FAT2: variants seen among roughly 807,000 people sequenced by gnomAD.
The protein encoded by FAT2 is protocadherin Fat 2.
A neutral mutation model predicts 295.3 loss-of-function variants in FAT2; 150 were observed. The ratio of observed to expected loss-of-function variants is 0.51; its 90% CI spans 0.44 to 0.58. FAT2 has a LOEUF of 0.58. FAT2 is among the 20% of genes least tolerant of loss of function. The pLI is 0.00. For synonymous variants in FAT2, 2,026 were observed against 2,150.3 expected (o/e 0.94, Z 1.60); for missense variants, 4,868 against 5,442.7 (o/e 0.89, Z 3.32).
intron 10 of FAT2, 71 bp from the exon 11 acceptor site, chr5:151,540,834 T>G: frequency 1.4e-6 from 2 of 1,390,562 alleles, no homozygotes; most frequent in Non-Finnish European, 2.0e-6. Flanking sequence ...CACAGGTGGC[T>G]GCCCATTGGA....
At chr5:151,530,836 T>C (rs891036652) in intron 14 of FAT2, among the ~76,000 whole-genome samples, 3 of 152,176 alleles carry the variant, frequency 2.0e-5, no homozygotes, top group African/African-American at 7.2e-5. Flanking sequence ...CTGCAGATGA[T>C]TACTGAAGCT....
intron 1 of FAT2, among the ~76,000 whole-genome samples, chr5:151,583,147 A>G (rs1456094521): frequency 1.3e-5 from 2 of 152,148 alleles, no homozygotes; most frequent in African/African-American, 2.4e-5. Context: ...ACCTGAAAAT[A>G]AGAGAGTTCC....
At position 151,528,111 on chromosome 5, in the gene FAT2, C is replaced by G. The variant is rs1018478012; in HGVS notation, c.10049G>C (p.Gly3350Ala). 1 of 1,613,860 alleles carries G rather than the reference C, an allele frequency of 6.2e-7. No homozygotes were observed. The highest frequency in any genetic ancestry group is 1.1e-5 in the South Asian group (1 of 91,052). Residue 3350 changes from glycine to alanine, a missense_variant, in exon 16 of 24, where the codon GGA becomes GCA. Physicochemically the swap from Gly to Ala is moderately conservative, Grantham distance 60. Around this residue, in one of 5 missense-constraint regions of FAT2, gnomAD observed 1,046 missense variants for 1,210.1 expected, o/e 0.86. Transcript: ENST00000261800. Reference sequence around the variant, plus strand: ...ATAGGTAATGTCACTATTTAGGGGTCCATCTTCATCAGTCGCTGATACCTG... The same window carrying G: ...ATAGGTAATGTCACTATTTAGGGGTGCATCTTCATCAGTCGCTGATACCTG... ...ILTVSATDED[G>A]PLNSDITYSL...
Position 151,565,734 on chromosome 5 carries a change from C to T in FAT2, c.3198G>A (p.Glu1066=), listed in dbSNP as rs2127644433. 6.2e-7 allele frequency: 1 copy of T among 1,601,768 alleles called. No homozygotes were observed. Among genetic ancestry groups the T allele is most frequent in the Non-Finnish European group, 8.5e-7 (1 of 1,172,904 alleles). Residue 1066 remains glutamate, a synonymous_variant, in exon 2 of 24, where the codon GAG becomes GAA. Coordinates refer to ENST00000261800, the MANE Select transcript of FAT2 (RefSeq NM_001447.3). ...TGCCAGCACGCAGGAAGTACTGGAG[C>T]TCCCCATCCAAGCCACTGTCATCGT... ...AQDDDSGLDG[E]LQYFLRAGTG... is the part of the protein sequence containing the mutation.
intron 1 of FAT2, among the ~76,000 whole-genome samples, chr5:151,577,740 C>T (rs1350481184): frequency 6.6e-6 from 1 of 152,130 alleles, no homozygotes; most frequent in African/African-American, 2.4e-5. Context: ...TGTGGGTTTT[C>T]AAGTTTGCAG....
rs762036540 is a variant in FAT2 at position 151,521,796 on chromosome 5, C to T, written c.10797G>A (p.Ser3599=). The T allele has an allele frequency of 1.9e-5, 30 of 1,614,046 alleles. No homozygotes were observed. In the African/African-American group the frequency reaches 1.9e-4, roughly 10 times the overall value. Residue 3599 remains serine, a synonymous_variant, in exon 19 of 24, where the codon TCG becomes TCA. Coordinates refer to ENST00000261800, the MANE Select transcript of FAT2 (RefSeq NM_001447.3). Reference sequence around the variant, plus strand: ...TCCCATCGCTGACCGTGACGTTGAACGAGTAGTGGCCACGAGGCAGGCCCT... The same window carrying T: ...TCCCATCGCTGACCGTGACGTTGAATGAGTAGTGGCCACGAGGCAGGCCCT... The part of the protein sequence containing the change: ...AAQGLPRGHY[S]FNVTVSDGTF...
intron 1 of FAT2, among the ~76,000 whole-genome samples, chr5:151,590,034 A>T (rs1759337583): frequency 6.6e-6 from 1 of 152,208 alleles, no homozygotes; most frequent in Non-Finnish European, 1.5e-5. Flanking sequence ...AGACATGATT[A>T]ATGAAATTCT....
At chr5:151,560,344 A>G (rs1238752858) in intron 3 of FAT2, among the ~76,000 whole-genome samples, 2 of 152,220 alleles carry the variant, frequency 1.3e-5, no homozygotes, top group African/African-American at 4.8e-5. Context: ...TCAAGCATAG[A>G]GCAGGTAACT....
In FAT2 at chr5:151,505,815, C is replaced by G. The variant is rs771437559; in HGVS notation, c.12800G>C (p.Cys4267Ser). 2.5e-6 allele frequency: 4 copies of G among 1,613,660 alleles called. No individual in the cohort carries two copies. The highest frequency in any genetic ancestry group is 3.4e-6 in the Non-Finnish European group (4 of 1,179,854). ...PSPRERLVAP[C>S]LNEYTAISYY... ...GCTGATGGCCGTGTACTCATTGAGA[C>G]AGGGGGCAACCAGGCGCTCCCGGGG... is the stretch of plus-strand genomic sequence containing the variant. Residue 4267 changes from cysteine to serine, a missense_variant, in exon 24 of 24, where the codon TGT becomes TCT. Around this residue, in one of 5 missense-constraint regions of FAT2, gnomAD observed 492 missense variants for 482.6 expected, o/e 1.02. Transcript: ENST00000261800.
At chr5:151,549,589 G>T in intron 8 of FAT2, 84 bp from the exon 9 acceptor site, 2 of 1,154,702 alleles carry the variant, frequency 1.7e-6, no homozygotes, top group Non-Finnish European at 2.5e-6. Context: ...GAACTAGAAT[G>T]CCAATTTAAA....
chr5:151,580,223 G>A (rs1758893661), intron 1 of FAT2, among the ~76,000 whole-genome samples: 1 of 152,212 alleles, frequency 6.6e-6, no homozygotes, highest in Non-Finnish European at 1.5e-5. Context: ...GAACCCACAA[G>A]GCCAAGGTCT....
At position 151,510,244 on chromosome 5, in the gene FAT2, A is replaced by T. The variant is rs6870300; in HGVS notation, c.11906-70T>A. Reference sequence around the variant, plus strand: ...GTTAAAGGAGACCTGGCATTGGCAGACTGGTGTGTTTGTGCAGCCGTTCAG... The same window carrying T: ...GTTAAAGGAGACCTGGCATTGGCAGTCTGGTGTGTTTGTGCAGCCGTTCAG... On this transcript the variant is annotated intron_variant, in intron 21 of 23. Transcript: ENST00000261800. 0.5 allele frequency: 767,710 copies of T among 1,526,572 alleles called. 202,266 individuals are homozygous for T. The highest frequency in any genetic ancestry group is 0.8 in the East Asian group (35,385 of 44,108). The allele number at this position is 1,526,572 out of a possible 1,614,324, so 94.6% of individuals were successfully genotyped here.
rs780112619 is a variant in FAT2, at chr5:151,542,877, C to G, written c.8250G>C (p.Lys2750Asn). 2.5e-6 allele frequency: 4 copies of G among 1,614,048 alleles called. No individual in the cohort carries two copies. Among genetic ancestry groups the G allele is most frequent in the Non-Finnish European group, 2.5e-6 (3 of 1,180,038 alleles). ...ATTCGTGGTCCATGGGCTTCCTCAC[C>G]TTTATGACCCCTGTGTCTGGGTCTA... ...FSLDPDTGVI[K>N]VRKPMDHEST... Residue 2750 changes from lysine (K) to asparagine (N), a missense_variant, in exon 10 of 24, where the codon AAG (lysine) becomes AAC (asparagine). Around this residue, in one of 5 missense-constraint regions of FAT2, gnomAD observed 3,297 missense variants for 3,669.4 expected, o/e 0.90. Coordinates refer to ENST00000261800, the MANE Select transcript of FAT2 (RefSeq NM_001447.3).
At chr5:151,510,858 G>A (rs1761265328) in intron 21 of FAT2, 1 of 152,274 alleles carries the variant, frequency 6.6e-6, no homozygotes, top group East Asian at 1.9e-4. Context: ...GGCTAGGGAA[G>A]GGTGTGGCAT....
chr5:151,582,774 C>G (rs539074989), intron 1 of FAT2, among the ~76,000 whole-genome samples: 1 of 152,136 alleles, frequency 6.6e-6, no homozygotes, highest in Admixed American at 6.5e-5. Context: ...GCAACCTCTT[C>G]CTCAAAAAGC....
rs745791603 is a variant in FAT2, at chr5:151,566,310, T to A, written c.2622A>T (p.Glu874Asp). Residue 874 changes from glutamate (E) to aspartate (D), a missense_variant, in exon 2 of 24, where the codon GAA becomes GAT. By Grantham distance (45) the Glu-to-Asp change is conservative. Coordinates refer to ENST00000261800, the MANE Select transcript of FAT2 (RefSeq NM_001447.3). ...EKFSLHPLTG[E>D]LVVTGHLDRE... is the part of the protein sequence containing the mutation. ...GGTCCAGGTGTCCTGTAACAACCAG[T>A]TCCCCAGTGAGAGGGTGGAGGGAGA... 1 of 1,614,110 alleles carries A rather than the reference T, an allele frequency of 6.2e-7. No individual in the cohort carries two copies. Among genetic ancestry groups the A allele is most frequent in the South Asian group, 1.1e-5 (1 of 91,060 alleles).
Position 151,543,883 on chromosome 5 carries a change from T to G in FAT2, c.7244A>C (p.Glu2415Ala), listed in dbSNP as rs767896931. The change falls in exon 10 of 24, where the codon GAG becomes GCG. Residue 2415 changes from glutamate (E) to alanine (A), a missense_variant. Physicochemically the swap from Glu to Ala is moderately radical, Grantham distance 107 (BLOSUM62 -1). Transcript: ENST00000261800. The stretch of plus-strand genomic sequence containing the variant: ...CTGATTGCCAGAAAGAATCAGGTAC[T>G]CCAGGCGGGAGGTGTCTCTGCTGTC... The part of the protein sequence containing the change: ...DPDSRDTSRL[E>A]YLILSGNQDR... The G allele has an allele frequency of 6.2e-7, 1 of 1,614,218 alleles. No homozygotes were observed. Among genetic ancestry groups the G allele is most frequent in the South Asian group, 1.1e-5 (1 of 91,076 alleles).
Position 151,531,752 on chromosome 5 carries a change from G to A in FAT2, c.9646C>T (p.Pro3216Ser), listed in dbSNP as rs2127591458. ...CTGTGCTCGGTGTTCAGGAACACGG[G>A]CAGGTAGTCTTCTAGGCCCACCACC... ...VSVVGLEDYLPVFLNTEHSVQ... is the reference protein window; with the variant it reads ...VSVVGLEDYLSVFLNTEHSVQ... The change falls in exon 14 of 24, where the codon CCC becomes TCC. Residue 3216 changes from proline to serine, a missense_variant. This residue lies in a region of FAT2 where 1,046 missense variants were observed against 1,210.1 expected (regional missense o/e 0.86). Coordinates refer to ENST00000261800, the MANE Select transcript of FAT2 (RefSeq NM_001447.3). This position sits in a 1 kb window ranked among gnomAD's most constrained non-coding sequence, Gnocchi z 5.7. The A allele has an allele frequency of 6.2e-7, 1 of 1,613,386 alleles. No individual in the cohort carries two copies. Among genetic ancestry groups the A allele is most frequent in the Non-Finnish European group, 8.5e-7 (1 of 1,179,978 alleles).
chr5:151,547,884 T>C (rs1342337306), intron 9 of FAT2, among the ~76,000 whole-genome samples: 1 of 152,172 alleles, frequency 6.6e-6, no homozygotes, highest in Non-Finnish European at 1.5e-5. Flanking sequence ...AAATGATGGT[T>C]ATGTGTTGTG....
Sources: allele counts gnomAD v4.1 joint callset (sites outside exome capture counted in the v4.1 genomes callset), GRCh38; gene constraint gnomAD v4.1.1; regional missense constraint gnomAD v4.1.1; non-coding constraint Gnocchi (gnomAD v3.1); transcripts MANE v1.5; gene names NCBI Gene and HGNC (gene_info 2026-07-23, HGNC 2026-07-21).